TMEM63B: variants seen among roughly 807,000 people sequenced by gnomAD.
The protein encoded by TMEM63B is transmembrane protein 63B, also known as mechanosensitive cation channel TMEM63B.
A neutral mutation model predicts 102.6 loss-of-function variants in TMEM63B; 23 were observed. The observed-to-expected ratio is 0.22, with a 90% CI of 0.16 to 0.32. The LOEUF is 0.32. Among genes scored for constraint, TMEM63B ranks in the 10% least tolerant of loss-of-function variants. TMEM63B has a pLI of 1.00. For missense variants in TMEM63B, 628 were observed against 1,095.9 expected, an observed-to-expected ratio of 0.57 and a Z score of 6.03; for synonymous variants, 444 against 437.0, an observed-to-expected ratio of 1.02 and a Z score of -0.20.
chr6:44,145,087 C>G (rs1457985890), intron 10 of TMEM63B, among the ~76,000 whole-genome samples: 1 of 151,694 alleles, frequency 6.6e-6, no homozygotes, highest in African/African-American at 2.4e-5. Context: ...CCAGCCTGGC[C>G]AAGATGGTGA....
At chr6:44,132,230 T>C in intron 1 of TMEM63B, 1 of 983,534 alleles carries the variant, frequency 1.0e-6, no homozygotes, top group Non-Finnish European at 1.2e-6. Flanking sequence ...GGAAGATTAA[T>C]GCTGTTGTGG....
rs530355652 is a variant in TMEM63B, at chr6:44,133,354, GGATGCT to G, written c.-24-1205_-24-1200del. Among the ~76,000 whole-genome samples, 573 of 152,242 alleles carry G rather than the reference GGATGCT, an allele frequency of 3.8e-3. 3 individuals carry two copies. The highest frequency in any genetic ancestry group is 6.9e-3 in the Non-Finnish European group (471 of 68,008). ...CCTCTGAGTCCCCCTGGGGGCTAAG[GGATGCT>G]GCTCCCGAAGTTGCAGTCACTGTTT... is the stretch of plus-strand genomic sequence containing the variant. On this transcript the variant is annotated intron_variant, in intron 1 of 23. Transcript: ENST00000323267.
Position 44,150,997 on chromosome 6 carries a change from A to G in TMEM63B, c.1673+368A>G, listed in dbSNP as rs997912193. Among the ~76,000 whole-genome samples the G allele has an allele frequency of 2.0e-5, 3 of 151,726 alleles. No individual in the cohort carries two copies. The highest frequency in any genetic ancestry group is 7.3e-5 in the African/African-American group (3 of 41,240). On this transcript the variant is annotated intron_variant, in intron 18 of 23. Transcript: ENST00000323267. The surrounding 1 kb of genome is among the most constrained non-coding windows in gnomAD (Gnocchi z 4.7). Reference sequence around the variant, plus strand: ...GAGTTCCACTTGGGAGGTTTGGGGAACCATCTCTAGGGAGGTCTTGGTGAT... The same window carrying G: ...GAGTTCCACTTGGGAGGTTTGGGGAGCCATCTCTAGGGAGGTCTTGGTGAT...
intron 5 of TMEM63B, among the ~76,000 whole-genome samples, chr6:44,136,913 T>C (rs955870972): frequency 2.6e-5 from 4 of 152,138 alleles, no homozygotes; most frequent in South Asian, 2.1e-4. Context: ...GGCGTGGTGG[T>C]GGGCGCCTGT....
chr6:44,150,099 G>A lies in TMEM63B; in HGVS notation c.1521-125G>A. The A allele has an allele frequency of 1.5e-6, 2 of 1,311,560 alleles. No individual in the cohort carries two copies. Among genetic ancestry groups the A allele is most frequent in the Non-Finnish European group, 2.1e-6 (2 of 934,506 alleles). 81.2% of individuals were successfully genotyped at this position (1,311,560 alleles called of 1,614,324 possible). A position where few individuals can be genotyped will look rare whatever the true frequency, so the allele number is the denominator to read the frequency against. Reference sequence around the variant, plus strand: ...GCTGGTAGGGAAGGGGTAGTGCCCAGCACCCTCACCTTGGGAGGCCCACCC... The same window carrying A: ...GCTGGTAGGGAAGGGGTAGTGCCCAACACCCTCACCTTGGGAGGCCCACCC... On this transcript the variant is annotated intron_variant, in intron 16 of 23. Coordinates refer to ENST00000323267, the MANE Select transcript of TMEM63B (RefSeq NM_018426.3). This position sits in a 1 kb window ranked among gnomAD's most constrained non-coding sequence, Gnocchi z 4.7.
In TMEM63B at chr6:44,155,095, C is replaced by T. The variant is rs1446626307; in HGVS notation, c.*212C>T. On this transcript the variant is annotated 3_prime_UTR_variant, in exon 24 of 24. Coordinates refer to ENST00000323267, the MANE Select transcript of TMEM63B (RefSeq NM_018426.3). ...AGTGAGGAGAGCCCCGAGCCGGCCCCGGGGCAAAGAGGGGTGCAGAGGGAG... is the reference window on the plus strand; with the variant it reads ...AGTGAGGAGAGCCCCGAGCCGGCCCTGGGGCAAAGAGGGGTGCAGAGGGAG... 2 of 434,326 alleles carry T rather than the reference C, an allele frequency of 4.6e-6. No individual in the cohort carries two copies. Among genetic ancestry groups the T allele is most frequent in the Admixed American group, 4.2e-5 (1 of 23,546 alleles). The allele number at this position is 434,326 out of a possible 1,614,324, so 26.9% of individuals were successfully genotyped here.
upstream of TMEM63B, chr6:44,127,067 AAGC>A (rs1473063586): frequency 2.6e-5 from 4 of 152,050 alleles, no homozygotes; most frequent in Admixed American, 2.0e-4. Flanking sequence ...AACCCGGGGA[AAGC>A]AGGTGAGCGC....
chr6:44,131,673 C>T (rs915449465), intron 1 of TMEM63B, among the ~76,000 whole-genome samples: 2 of 152,080 alleles, frequency 1.3e-5, no homozygotes, highest in Admixed American at 6.5e-5. Context: ...GAGCCAAGAT[C>T]GCGCCACTGC....
At chr6:44,139,320 A>G (rs1763753519) in intron 6 of TMEM63B, 147 bp from the exon 7 acceptor site, 4 of 917,506 alleles carry the variant, frequency 4.4e-6, no homozygotes, top group South Asian at 3.2e-5. Context: ...TAGGGGACCA[A>G]GAAGTCCCAT....
At chr6:44,147,650 T>C in intron 12 of TMEM63B, 150 bp downstream of exon 12, 1 of 1,145,818 alleles carries the variant, frequency 8.7e-7, no homozygotes, top group Non-Finnish European at 1.2e-6. Context: ...GTCCCTACAG[T>C]GACCAGGTTT....
At chr6:44,147,851 C>T (rs920269917) in intron 12 of TMEM63B, among the ~76,000 whole-genome samples, 8 of 152,084 alleles carry the variant, frequency 5.3e-5, no homozygotes, top group East Asian at 1.9e-4. Flanking sequence ...GTGCTGGGTG[C>T]GGTGGCATAT....
intron 5 of TMEM63B, chr6:44,138,245 G>A: frequency 3.7e-6 from 2 of 535,882 alleles, no homozygotes; most frequent in East Asian, 3.2e-5. Context: ...CTGGACATGG[G>A]GATTCACAGA....
intron 1 of TMEM63B, among the ~76,000 whole-genome samples, chr6:44,134,107 C>T (rs530778546): frequency 2.6e-5 from 4 of 152,330 alleles, no homozygotes; most frequent in Admixed American, 2.6e-4. Flanking sequence ...AGGCAGCTGG[C>T]TCCTGACCCA....
At chr6:44,147,837 A>G (rs2128254802) in intron 12 of TMEM63B, among the ~76,000 whole-genome samples, 1 of 152,290 alleles carries the variant, frequency 6.6e-6, no homozygotes, top group East Asian at 1.9e-4. Flanking sequence ...AAAGAAGCTT[A>G]GAGGTGCTGG....
chr6:44,137,365 T>G (rs1376334297), intron 5 of TMEM63B, among the ~76,000 whole-genome samples: 1 of 152,224 alleles, frequency 6.6e-6, no homozygotes, highest in Non-Finnish European at 1.5e-5. Context: ...TCAGTCCCTC[T>G]TGGGCTGCAA....
At chr6:44,144,414 C>T (rs1022340304) in intron 10 of TMEM63B, among the ~76,000 whole-genome samples, 4 of 152,098 alleles carry the variant, frequency 2.6e-5, no homozygotes, top group Non-Finnish European at 4.4e-5. Context: ...AAGGGGAAAC[C>T]TCAAATGGTT....
chr6:44,150,177 G>C lies in TMEM63B; in HGVS notation c.1521-47G>C. 3 of 1,569,702 alleles carry C rather than the reference G, an allele frequency of 1.9e-6. No individual in the cohort carries two copies. Among genetic ancestry groups the C allele is most frequent in the South Asian group, 1.1e-5 (1 of 90,098 alleles). ...TCCTTGTTGGGGGAGCAAGTCTGGG[G>C]CCTGGGCTCACTTGACCTGTACCGT... On this transcript the variant is annotated intron_variant, in intron 16 of 23. Transcript: ENST00000323267. This position sits in a 1 kb window ranked among gnomAD's most constrained non-coding sequence, Gnocchi z 4.7.
rs1440340353 is a variant in TMEM63B at position 44,127,673 on chromosome 6, C to A, written c.-30C>A. 1.3e-5 allele frequency: 2 copies of A among 150,918 alleles called. No homozygotes were observed. The highest frequency in any genetic ancestry group is 3.0e-5 in the Non-Finnish European group (2 of 67,474). The allele number at this position is 150,918 out of a possible 1,614,324, so 9.3% of individuals were successfully genotyped here. On this transcript the variant is annotated 5_prime_UTR_variant, in exon 1 of 24. In the 5' UTR this introduces an upstream ATG that the reference lacks. Transcript: ENST00000323267. ...CTCCGAGCCGGAGCCGAGTCTGCGC[C>A]TGGGGGTGAGTACGCGACCCCTACC...
chr6:44,145,779 G>GAAACAAAC (rs139108753), intron 10 of TMEM63B, among the ~76,000 whole-genome samples: 1 of 151,878 alleles, frequency 6.6e-6, no homozygotes, highest in Non-Finnish European at 1.5e-5. Flanking sequence ...CAGAATATTT[G>GAAACAAAC]AAACAAACAA....
Sources: allele counts gnomAD v4.1 joint callset (sites outside exome capture counted in the v4.1 genomes callset), GRCh38; gene constraint gnomAD v4.1.1; non-coding constraint Gnocchi (gnomAD v3.1); transcripts MANE v1.5; gene names NCBI Gene and HGNC (gene_info 2026-07-23, HGNC 2026-07-21).